The following CDCA5 variants were observed in gnomAD, a reference collection of about 807,000 sequenced individuals.
CDCA5 encodes cell division cycle associated 5, also known as sororin.
CDCA5 carries 14 observed loss-of-function variants against 25.7 expected under a neutral mutation model. The observed-to-expected ratio is 0.54, with a 90% CI of 0.36 to 0.85. The LOEUF (loss-of-function observed/expected upper bound fraction) is 0.85, where lower values mean the gene tolerates loss of function less well. Ranked by LOEUF, CDCA5 falls within the 40% of genes least tolerant of loss-of-function variation. CDCA5 has a pLI of 0.01. For missense variants in CDCA5, 307 were observed against 324.5 expected, an observed-to-expected ratio of 0.95 and a Z score of 0.41; for synonymous variants, 127 against 128.7, an observed-to-expected ratio of 0.99 and a Z score of 0.09.
chr11:65,066,623 G>T, exon 6 of CDCA5: 7 of 1,288,712 alleles, frequency 5.4e-6, no homozygotes, highest in Non-Finnish European at 7.1e-6. Flanking sequence ...GGATGGCCTG[G>T]GCCTCCTCCT....
At chr11:65,083,805 G>C (rs1947630142) in intron 1 of CDCA5, 82 bp from the exon 2 acceptor site, 1 of 1,576,836 alleles carries the variant, frequency 6.3e-7, no homozygotes. Flanking sequence ...ACAGCGAGAA[G>C]ATTCCCAAAC....
intron 4 of CDCA5, among the ~76,000 whole-genome samples, chr11:65,081,461 G>A (rs1339800513): frequency 6.6e-6 from 1 of 151,538 alleles, no homozygotes; most frequent in Non-Finnish European, 1.5e-5. Flanking sequence ...TGAACAAATT[G>A]GTGGTCACTG....
At chr11:65,068,350 T>C in intron 2 of CDCA5, 1 of 495,148 alleles carries the variant, frequency 2.0e-6, no homozygotes, top group Non-Finnish European at 3.4e-6. Flanking sequence ...ACCCAGGAGC[T>C]GGGCCTGGAC....
At position 65,081,114 on chromosome 11, in the gene CDCA5, CTGAAGA is replaced by C. The variant is rs1947556532; in HGVS notation, c.244-1333_244-1328del. ...CTGAAGTGAAGGCAAGAGGAAGAAACTGAAGATGAAGTTCAAGAGATAATGGGTGGC... is the reference window on the plus strand; with the variant it reads ...CTGAAGTGAAGGCAAGAGGAAGAAACTGAAGTTCAAGAGATAATGGGTGGC... On this transcript the variant is annotated intron_variant, in intron 4 of 5. Transcript: ENST00000275517. 2.0e-5 allele frequency among the ~76,000 whole-genome samples: 3 copies of C among 152,200 alleles called. No homozygotes were observed. The South Asian group carries it at 6.2e-4, about 32-fold the overall frequency.
chr11:65,075,049 T>G (rs1445002568), downstream of CDCA5, among the ~76,000 whole-genome samples: 5 of 100,396 alleles, frequency 5.0e-5, no homozygotes, highest in Non-Finnish European at 5.7e-5. Context: ...GTGACAAGAG[T>G]GAAACTCCGT....
At chr11:65,083,830 G>A (rs888281513) in intron 1 of CDCA5, 103 bp downstream of exon 1, 5 of 1,586,770 alleles carry the variant, frequency 3.2e-6, no homozygotes, top group Non-Finnish European at 4.3e-6. Context: ...CCTTTTAAGG[G>A]CGCCTCCTCC....
intron 1 of CDCA5, 57 bp from the exon 2 acceptor site, chr11:65,083,780 G>A: frequency 1.3e-6 from 2 of 1,577,810 alleles, no homozygotes; most frequent in South Asian, 1.1e-5. Context: ...AGAGTCCAGA[G>A]AACAGGTTCT....
At chr11:65,076,206 C>G (rs1947442040), downstream of CDCA5, among the ~76,000 whole-genome samples, 1 of 152,210 alleles carries the variant, frequency 6.6e-6, no homozygotes, top group African/African-American at 2.4e-5. Flanking sequence ...GCCCCGACCT[C>G]CCAGGCTCAG....
chr11:65,078,708 C>A lies in CDCA5; in HGVS notation c.*399G>T. 9.9e-7 allele frequency: 1 copy of A among 1,011,128 alleles called. No homozygotes were observed. Among genetic ancestry groups the A allele is most frequent in the Non-Finnish European group, 1.2e-6 (1 of 847,654 alleles). 62.6% of individuals were successfully genotyped at this position (1,011,128 alleles called of 1,614,324 possible). A position where few individuals can be genotyped will look rare whatever the true frequency, so the allele number is the denominator to read the frequency against. ...GAGGGAGAGGCCGAGGCTGGCAGAG[C>A]CCCTGGGCCTATTTCCAAGCAGCCA... On this transcript the variant is annotated 3_prime_UTR_variant, in exon 6 of 6. Transcript: ENST00000275517.
chr11:65,066,971 G>A, intron 4 of CDCA5: 1 of 879,304 alleles, frequency 1.1e-6, no homozygotes, highest in Non-Finnish European at 1.6e-6. Flanking sequence ...TCAGCCACCT[G>A]GTCCTATAGC....
chr11:65,076,091 C>T (rs115945212), downstream of CDCA5, among the ~76,000 whole-genome samples: 4,604 of 152,196 alleles, frequency 0.03, 101 homozygotes, highest in African/African-American at 0.059. Context: ...TGGTAGCTAA[C>T]GACAGATGCT....
chr11:65,065,888 A>C (rs1165715677), downstream of CDCA5, among the ~76,000 whole-genome samples: 3 of 151,940 alleles, frequency 2.0e-5, no homozygotes, highest in African/African-American at 7.3e-5. Context: ...CCCCAACCCC[A>C]TGACTTACAA....
Position 65,077,494 on chromosome 11 carries a change from C to G in CDCA5, c.*1613G>C, listed in dbSNP as rs561180723. ...CTTTAATCAGGCTTTTTTTCCAACT[C>G]TAAAACAAAATCCCATTTTTTCCTT... On this transcript the variant is annotated 3_prime_UTR_variant, in exon 6 of 6. Coordinates refer to ENST00000275517, the MANE Select transcript of CDCA5 (RefSeq NM_080668.4). 4.1e-6 allele frequency: 4 copies of G among 985,308 alleles called. No homozygotes were observed. The highest frequency in any genetic ancestry group is 1.7e-5 in the African/African-American group (1 of 57,236). 61.0% of individuals were successfully genotyped at this position (985,308 alleles called of 1,614,324 possible).
Position 65,083,912 on chromosome 11 carries a change from TC to T in CDCA5, c.46+20del. The T allele has an allele frequency of 3.1e-6, 5 of 1,609,380 alleles. No homozygotes were observed. Among genetic ancestry groups the T allele is most frequent in the Non-Finnish European group, 4.2e-6 (5 of 1,179,788 alleles). On this transcript the variant is annotated intron_variant, in intron 1 of 5. Coordinates refer to ENST00000275517, the MANE Select transcript of CDCA5 (RefSeq NM_080668.4). ...CCCCCAAACGGCTCGACCTCACGTC[TC>T]CCGCGCGCCCTCCGCTCACCGGAGC... is the stretch of plus-strand genomic sequence containing the variant.
chr11:65,073,320 A>G (rs1018764279), downstream of CDCA5, among the ~76,000 whole-genome samples: 4 of 152,330 alleles, frequency 2.6e-5, no homozygotes, highest in African/African-American at 9.6e-5. Context: ...ACTGAGGCAC[A>G]TCAGAGTCTA....
chr11:65,083,601 G>A lies in CDCA5; in HGVS notation c.141+28C>T, dbSNP rs750767199. The A allele has an allele frequency of 3.1e-6, 5 of 1,614,180 alleles. No individual in the cohort carries two copies. In the South Asian group the frequency reaches 5.5e-5, roughly 18 times the overall value. On this transcript the variant is annotated intron_variant, in intron 2 of 5. Transcript: ENST00000275517. ...TCAACATTAGGTGAGGGGCCACAAG[G>A]GGAGGAAGTGAGAAATCTGGGGCTC...
At chr11:65,068,601 A>G (rs1195790084) in exon 2 of CDCA5, 16 of 1,285,100 alleles carry the variant, frequency 1.2e-5, no homozygotes, top group Non-Finnish European at 1.6e-5. Flanking sequence ...CCCCTAAGAG[A>G]CTGAGAGAGA....
At chr11:65,076,170 C>T (rs1020793547), downstream of CDCA5, among the ~76,000 whole-genome samples, 35 of 152,206 alleles carry the variant, frequency 2.3e-4, no homozygotes, top group African/African-American at 8.2e-4. Flanking sequence ...GACTGGAGTG[C>T]AATGGCGTCA....
chr11:65,073,489 G>A (rs548825469), downstream of CDCA5, among the ~76,000 whole-genome samples: 43 of 152,254 alleles, frequency 2.8e-4, no homozygotes, highest in African/African-American at 7.0e-4. Context: ...ACTTAATGAC[G>A]CGGGGCTCCC....
Sources: allele counts gnomAD v4.1 joint callset (sites outside exome capture counted in the v4.1 genomes callset), GRCh38; gene constraint gnomAD v4.1.1; transcripts MANE v1.5; gene names NCBI Gene and HGNC (gene_info 2026-07-23, HGNC 2026-07-21).